NAA60: variants seen among roughly 807,000 people sequenced by gnomAD.
NAA60 encodes N-alpha-acetyltransferase 60.
In NAA60, 8 loss-of-function variants were observed where a neutral mutation model predicts 26.1. That is an observed-to-expected ratio of 0.31 (90% CI 0.18 to 0.55). The LOEUF (loss-of-function observed/expected upper bound fraction) is 0.55, where lower values mean the gene tolerates loss of function less well. Among genes scored for constraint, NAA60 ranks in the 20% least tolerant of loss-of-function variants. The probability of loss-of-function intolerance (pLI) is 0.93; values close to 1 mark genes in which losing one functional copy is unlikely to be tolerated. For synonymous variants in NAA60, 131 were observed against 122.5 expected (o/e 1.07, Z -0.46); for missense variants, 290 against 311.3 (o/e 0.93, Z 0.51).
At chr16:3,473,707 TTTGTTGTTGTTGTTGTTGTTG>T (rs199845048) in intron 2 of NAA60, among the ~76,000 whole-genome samples, 1 of 145,816 alleles carries the variant, frequency 6.9e-6, no homozygotes, top group Non-Finnish European at 1.5e-5. Flanking sequence ...GCCCCAGCTT[TTTGTTGTTGTTGTTGTTGTTG>T]TTGTTGTTGT....
rs566743965 is a variant in NAA60 at position 3,485,584 on chromosome 16, C to G, written c.*324C>G. 1 of 455,644 alleles carries G rather than the reference C, an allele frequency of 2.2e-6. No homozygotes were observed. Among genetic ancestry groups the G allele is most frequent in the Non-Finnish European group, 4.4e-6 (1 of 226,460 alleles). 28.2% of individuals were successfully genotyped at this position (455,644 alleles called of 1,614,324 possible). A position where few individuals can be genotyped will look rare whatever the true frequency, so the allele number is the denominator to read the frequency against. On this transcript the variant is annotated 3_prime_UTR_variant, in exon 8 of 8. Transcript: ENST00000407558. ...TGTGGCTGCATTCACTGGGAGGGGCCTGCCCTCACTGGGCCTCTCCCACTC... is the reference window on the plus strand; with the variant it reads ...TGTGGCTGCATTCACTGGGAGGGGCGTGCCCTCACTGGGCCTCTCCCACTC...
At chr16:3,452,409 C>G (rs946488754) in intron 2 of NAA60, among the ~76,000 whole-genome samples, 1 of 152,078 alleles carries the variant, frequency 6.6e-6, no homozygotes, top group African/African-American at 2.4e-5. Flanking sequence ...AATCCTAGCA[C>G]TTTGGGAGGC....
chr16:3,476,875 C>T (rs1040639592), intron 3 of NAA60, among the ~76,000 whole-genome samples: 1 of 152,078 alleles, frequency 6.6e-6, no homozygotes, highest in Non-Finnish European at 1.5e-5. Flanking sequence ...AACCCCGTCT[C>T]TACTAAAAAT....
intron 2 of NAA60, among the ~76,000 whole-genome samples, chr16:3,461,346 GC>G (rs892103949): frequency 6.6e-6 from 1 of 152,150 alleles, no homozygotes; most frequent in Admixed American, 6.5e-5. Context: ...GAGCCAGAGT[GC>G]CCCCCTGCGG....
intron 2 of NAA60, among the ~76,000 whole-genome samples, chr16:3,458,509 G>C (rs1194243815): frequency 6.6e-6 from 1 of 152,194 alleles, no homozygotes; most frequent in African/African-American, 2.4e-5. Flanking sequence ...TTTGCAACTA[G>C]AGGGTGGTCC....
intron 2 of NAA60, among the ~76,000 whole-genome samples, chr16:3,450,527 C>G (rs1451368530): frequency 6.6e-6 from 1 of 151,782 alleles, no homozygotes; most frequent in Non-Finnish European, 1.5e-5. Flanking sequence ...GGTGAAACCC[C>G]ATCTCTACTA....
chr16:3,460,867 G>A (rs1384634868), intron 2 of NAA60, among the ~76,000 whole-genome samples: 1 of 152,180 alleles, frequency 6.6e-6, no homozygotes, highest in Admixed American at 6.5e-5. Context: ...AGTTGTGAGT[G>A]CCTTGAAGTG....
intron 4 of NAA60, 65 bp downstream of exon 4, chr16:3,479,665 G>A (rs142854069): frequency 2.0e-5 from 31 of 1,573,442 alleles, no homozygotes; most frequent in Admixed American, 1.7e-4. Flanking sequence ...GGGGGCTTGC[G>A]ATGGAATCAT....
At chr16:3,471,384 T>C (rs2036133082) in intron 2 of NAA60, among the ~76,000 whole-genome samples, 1 of 152,020 alleles carries the variant, frequency 6.6e-6, no homozygotes, top group Non-Finnish European at 1.5e-5. Flanking sequence ...GCCCCTGTGG[T>C]CTCAGCTACT....
Position 3,483,404 on chromosome 16 carries a change from A to G in NAA60, c.379A>G (p.Thr127Ala), listed in dbSNP as rs775813750. 1.2e-6 allele frequency: 2 copies of G among 1,613,394 alleles called. No homozygotes were observed. Among genetic ancestry groups the G allele is most frequent in the South Asian group, 2.2e-5 (2 of 91,036 alleles). ...AAGTTTAAAGGATCACATATCAACC[A>G]CCGCCCAGGACCACTGCAAAGCCAT... ...LESLKDHIST[T>A]AQDHCKAIYL... The change falls in exon 6 of 8, where the codon ACC becomes GCC. Residue 127 changes from threonine (T) to alanine (A), a missense_variant. Transcript: ENST00000407558.
intron 2 of NAA60, among the ~76,000 whole-genome samples, chr16:3,464,281 G>A (rs901985774): frequency 6.6e-6 from 1 of 152,166 alleles, no homozygotes; most frequent in African/African-American, 2.4e-5. Context: ...CCAAAGTGCT[G>A]GGATTACAGG....
chr16:3,449,930 C>T (rs2034708691), intron 2 of NAA60: 2 of 396,242 alleles, frequency 5.0e-6, no homozygotes, highest in Non-Finnish European at 4.4e-6. Flanking sequence ...CCTCCCCAGC[C>T]ACGTGGAACT....
At chr16:3,451,667 T>C (rs2034790375) in intron 2 of NAA60, among the ~76,000 whole-genome samples, 1 of 152,044 alleles carries the variant, frequency 6.6e-6, no homozygotes, top group Non-Finnish European at 1.5e-5. Context: ...CCTGTAATCC[T>C]AACACTTTGG....
intron 4 of NAA60, among the ~76,000 whole-genome samples, chr16:3,481,735 T>A (rs1294138387): frequency 6.6e-6 from 1 of 152,184 alleles, no homozygotes; most frequent in Admixed American, 6.5e-5. Context: ...CCTGCAGGCC[T>A]GGAGTAACAA....
At chr16:3,452,442 C>T (rs934212630) in intron 2 of NAA60, among the ~76,000 whole-genome samples, 2 of 151,102 alleles carry the variant, frequency 1.3e-5, no homozygotes, top group African/African-American at 4.9e-5. Flanking sequence ...ATTGCCTGAG[C>T]TCAGGCATTC....
intron 2 of NAA60, among the ~76,000 whole-genome samples, chr16:3,455,960 C>T (rs149013073): frequency 5.9e-5 from 9 of 152,236 alleles, no homozygotes; most frequent in African/African-American, 2.2e-4. Context: ...CCGACTTGAC[C>T]TCCCAAAGTG....
intron 6 of NAA60, chr16:3,484,473 A>G (rs2037047456): frequency 1.7e-6 from 1 of 600,228 alleles, no homozygotes; most frequent in Non-Finnish European, 2.9e-6. Flanking sequence ...TGCCTCACTC[A>G]GAAGGCCCTT....
chr16:3,464,783 A>G (rs1429389942), intron 2 of NAA60, among the ~76,000 whole-genome samples: 1 of 152,208 alleles, frequency 6.6e-6, no homozygotes, highest in Admixed American at 6.5e-5. Context: ...GAGTTAGGAA[A>G]TATATTCCAG....
intron 3 of NAA60, among the ~76,000 whole-genome samples, chr16:3,478,732 G>C (rs985451263): frequency 6.6e-6 from 1 of 152,084 alleles, no homozygotes; most frequent in South Asian, 2.1e-4. Context: ...AAACTCAAAC[G>C]CCTGTCAGCT....
Sources: allele counts gnomAD v4.1 joint callset (sites outside exome capture counted in the v4.1 genomes callset), GRCh38; gene constraint gnomAD v4.1.1; transcripts MANE v1.5; gene names NCBI Gene and HGNC (gene_info 2026-07-23, HGNC 2026-07-21).